Variants in TCERG1L observed in about 807,000 individuals in gnomAD.
TCERG1L encodes the protein transcription elongation regulator 1-like protein.
A neutral mutation model predicts 56.3 loss-of-function variants in TCERG1L; 37 were observed. The observed-to-expected ratio is 0.66, with a 90% CI of 0.51 to 0.87. The LOEUF is 0.87. TCERG1L is among the 40% of genes least tolerant of loss of function. The pLI, the probability that TCERG1L is intolerant of heterozygous loss-of-function variation, is 0.00. For missense variants in TCERG1L, 799 were observed against 774.2 expected (o/e 1.03, Z -0.38); for synonymous variants, 324 against 326.3 (o/e 0.99, Z 0.08).
chr10:131,257,934 T>A (rs1396160662), intron 4 of TCERG1L, among the ~76,000 whole-genome samples: 2 of 152,252 alleles, frequency 1.3e-5, no homozygotes, highest in East Asian at 3.8e-4. Flanking sequence ...ACAGGATTAT[T>A]CTTCTGTAGA....
At chr10:131,285,811 A>G (rs1846533992) in intron 3 of TCERG1L, among the ~76,000 whole-genome samples, 2 of 152,212 alleles carry the variant, frequency 1.3e-5, no homozygotes, top group Non-Finnish European at 2.9e-5. Flanking sequence ...CTAAAAAGGT[A>G]AAACATTGAA....
In TCERG1L at chr10:131,311,507, C is replaced by G. The variant is rs1399074031; in HGVS notation, c.129G>C (p.Val43=). The change falls in exon 1 of 12, where the codon GTG becomes GTC. Residue 43 remains valine, a synonymous_variant. Transcript: ENST00000368642. The surrounding 1 kb of genome is among the most constrained non-coding windows in gnomAD (Gnocchi z 4.0). ...GCCGGAGCAGCCCGGCCGAGCCCGG[C>G]ACCATCCAGACCCAGGGCGGCGGCG... ...PPPPPPWVWM[V]PGSAGLLRLS... 2.5e-6 allele frequency: 3 copies of G among 1,210,424 alleles called. No individual in the cohort carries two copies. The highest frequency in any genetic ancestry group is 3.1e-6 in the Non-Finnish European group (3 of 970,694). The allele number at this position is 1,210,424 out of a possible 1,614,324, so 75.0% of individuals were successfully genotyped here. A position where few individuals can be genotyped will look rare whatever the true frequency, so the allele number is the denominator to read the frequency against.
chr10:131,186,383 G>A (rs1401343378), intron 4 of TCERG1L, among the ~76,000 whole-genome samples: 1 of 152,130 alleles, frequency 6.6e-6, no homozygotes, highest in African/African-American at 2.4e-5. Flanking sequence ...CAATAAAGAA[G>A]AGAAAAGGTA....
intron 4 of TCERG1L, among the ~76,000 whole-genome samples, chr10:131,225,119 C>T (rs1845778155): frequency 1.3e-5 from 2 of 152,140 alleles, no homozygotes; most frequent in South Asian, 4.1e-4. Context: ...ACCAGTAGTC[C>T]GACTCACTCC....
chr10:131,261,634 T>G (rs1286442732), intron 3 of TCERG1L, among the ~76,000 whole-genome samples: 6 of 152,206 alleles, frequency 3.9e-5, no homozygotes, highest in Non-Finnish European at 4.4e-5. Context: ...AGTCAACCAG[T>G]CTTTATTTAG....
intron 3 of TCERG1L, among the ~76,000 whole-genome samples, chr10:131,283,874 T>C (rs56923639): frequency 0.074 from 11,275 of 152,028 alleles, 523 homozygotes; most frequent in African/African-American, 0.12. Context: ...GTGGCTCCCA[T>C]CACTTTGTGA....
intron 4 of TCERG1L, among the ~76,000 whole-genome samples, chr10:131,239,581 A>G (rs902041971): frequency 2.6e-5 from 4 of 152,248 alleles, no homozygotes; most frequent in Non-Finnish European, 4.4e-5. Flanking sequence ...TCTCAGACGC[A>G]TCGGCCCTCA....
At chr10:131,310,229 T>A (rs1053560293) in intron 1 of TCERG1L, among the ~76,000 whole-genome samples, 1 of 152,214 alleles carries the variant, frequency 6.6e-6, no homozygotes, top group East Asian at 1.9e-4. Flanking sequence ...TTCCTTGACA[T>A]TATATACCTC....
At chr10:131,269,548 G>A (rs1032278781) in intron 3 of TCERG1L, among the ~76,000 whole-genome samples, 2 of 152,188 alleles carry the variant, frequency 1.3e-5, no homozygotes, top group African/African-American at 4.8e-5. Context: ...AGGAGAGGGA[G>A]AAGGATGGGG....
rs149863454 is a variant in TCERG1L at position 131,166,788 on chromosome 10, G to A, written c.945+9C>T. 190 of 1,613,864 alleles carry A rather than the reference G, an allele frequency of 1.2e-4. 1 individual carries two copies. The African/African-American group carries it at 1.8e-3, about 16-fold the overall frequency. On this transcript the variant is annotated intron_variant, in intron 5 of 11. Transcript: ENST00000368642. The stretch of plus-strand genomic sequence containing the variant: ...TGTCTTTAACACACACACGAGCCCC[G>A]AAACTGACCTTGTCTTCTTTGTCTC...
Position 131,311,555 on chromosome 10 carries a change from C to T in TCERG1L, c.81G>A (p.Trp27Ter). Residue 27 changes from tryptophan to a stop codon, truncating the protein, a stop_gained, in exon 1 of 12, where the codon TGG (tryptophan) becomes TGA (stop). Transcript: ENST00000368642. LOFTEE classifies it high-confidence loss of function. This position sits in a 1 kb window ranked among gnomAD's most constrained non-coding sequence, Gnocchi z 4.0. ...GCGGCGGCGGCTCTGCGTCCATCGG[C>T]CAGAGGAGAGGCTGCCGCCGCCGGG... ...QQPRRRQPLL[W>*]PMDAEPPPPP... 1 of 1,177,516 alleles carries T rather than the reference C, an allele frequency of 8.5e-7. No individual in the cohort carries two copies. Among genetic ancestry groups the T allele is most frequent in the East Asian group, 3.9e-5 (1 of 25,662 alleles). 72.9% of individuals were successfully genotyped at this position (1,177,516 alleles called of 1,614,324 possible). A position where few individuals can be genotyped will look rare whatever the true frequency, so the allele number is the denominator to read the frequency against.
chr10:131,140,720 C>T (rs543953396), intron 7 of TCERG1L, among the ~76,000 whole-genome samples: 40 of 152,246 alleles, frequency 2.6e-4, no homozygotes, highest in Non-Finnish European at 3.8e-4. Context: ...GGCAGCGGTG[C>T]GAGGGATGCC....
chr10:131,282,541 AC>A (rs1247381348), intron 3 of TCERG1L, among the ~76,000 whole-genome samples: 1 of 152,244 alleles, frequency 6.6e-6, no homozygotes, highest in African/African-American at 2.4e-5. Flanking sequence ...TGATTAACTT[AC>A]TAATACAAGT....
At chr10:131,291,397 A>ATTTTTTTTTTTTTTTTTTTT (rs1564835283) in intron 3 of TCERG1L, among the ~76,000 whole-genome samples, 1 of 60,188 alleles carries the variant, frequency 1.7e-5, no homozygotes, top group Non-Finnish European at 3.2e-5. Flanking sequence ...CATAAACAGC[A>ATTTTTTTTTTTTTTTTTTTT]TTTCTTTTTT....
At position 131,094,553 on chromosome 10, in the gene TCERG1L, C is replaced by G. The variant is rs117667701; in HGVS notation, c.1605-1235G>C. On this transcript the variant is annotated intron_variant, in intron 11 of 11. Coordinates refer to ENST00000368642, the MANE Select transcript of TCERG1L (RefSeq NM_174937.4). ...TCTCATTCCTTCCCCAAGGCGCTGC[C>G]GTTTTCCTGCTCTCCGTCTGTGGGG... 1.4e-4 allele frequency among the ~76,000 whole-genome samples: 21 copies of G among 152,320 alleles called. No individual in the cohort carries two copies. The East Asian group carries it at 4.1e-3, about 29-fold the overall frequency.
At position 131,215,103 on chromosome 10, in the gene TCERG1L, C is replaced by T. The variant is rs893508; in HGVS notation, c.856+45156G>A. Among the ~76,000 whole-genome samples, 226 of 152,310 alleles carry T rather than the reference C, an allele frequency of 1.5e-3. 3 individuals carry two copies. Among genetic ancestry groups the T allele is most frequent in the African/African-American group, 5.3e-3 (220 of 41,566 alleles). Reference sequence around the variant, plus strand: ...TTGTACTTCCTCGCTGTGACGCACTCATACTCTGATACTTTCTACTCAATG... The same window carrying T: ...TTGTACTTCCTCGCTGTGACGCACTTATACTCTGATACTTTCTACTCAATG... On this transcript the variant is annotated intron_variant, in intron 4 of 11. Transcript: ENST00000368642.
intron 4 of TCERG1L, among the ~76,000 whole-genome samples, chr10:131,205,556 T>C (rs1845512360): frequency 1.3e-5 from 2 of 152,194 alleles, no homozygotes; most frequent in Non-Finnish European, 2.9e-5. Context: ...AACTTTTATT[T>C]AAAAATGCTT....
intron 3 of TCERG1L, among the ~76,000 whole-genome samples, chr10:131,299,515 A>C (rs1373136181): frequency 6.6e-6 from 1 of 152,052 alleles, no homozygotes; most frequent in African/African-American, 2.4e-5. Context: ...TCGAAGATAT[A>C]TCTTTCGAAG....
chr10:131,219,465 C>A (rs192817444), intron 4 of TCERG1L, among the ~76,000 whole-genome samples: 6 of 152,310 alleles, frequency 3.9e-5, no homozygotes, highest in East Asian at 1.9e-4. Flanking sequence ...GTGGGTGGAC[C>A]CTTAGCTTAC....
Sources: gnomAD v4.1 joint callset for allele counts (sites outside exome capture counted in the v4.1 genomes callset) on GRCh38, gnomAD v4.1.1 for gene constraint, Gnocchi (gnomAD v3.1) non-coding constraint, MANE v1.5 for transcripts, NCBI Gene and HGNC (gene_info 2026-07-23, HGNC 2026-07-21) for gene names.